The following HTRA2 variants were observed in gnomAD, a reference collection of about 807,000 sequenced individuals.
The protein encoded by HTRA2 is serine protease HTRA2, mitochondrial.
HTRA2 carries 24 observed loss-of-function variants against 42.2 expected under a neutral mutation model. That is an observed-to-expected ratio of 0.57 (90% CI 0.41 to 0.80). The LOEUF is 0.80. HTRA2 is among the 30% of genes least tolerant of loss of function. The probability of loss-of-function intolerance (pLI) is 0.00; values close to 1 mark genes in which losing one functional copy is unlikely to be tolerated. For synonymous variants in HTRA2, 245 were observed against 255.8 expected (o/e 0.96, Z 0.40); for missense variants, 466 against 613.5 (o/e 0.76, Z 2.54).
intron 5 of HTRA2, 28 bp from the exon 6 acceptor site, chr2:74,531,828 G>C: frequency 1.2e-6 from 2 of 1,613,422 alleles, no homozygotes; most frequent in Non-Finnish European, 8.5e-7. Flanking sequence ...ATGTAGCTGG[G>C]TGGGGCTCAT....
At position 74,530,194 on chromosome 2, in the gene HTRA2, T is replaced by C. The variant is rs1395559962; in HGVS notation, c.188T>C (p.Val63Ala). ...CCCAGTCTCTGGGCCCGGTTGTCTG[T>C]TGGGGTCACTGAACCCCGAGCATGC... The part of the protein sequence containing the change: ...GTPSLWARLS[V>A]GVTEPRACLT... The change falls in exon 1 of 8, where the codon GTT becomes GCT. Residue 63 changes from valine to alanine, a missense_variant. Val to Ala is a moderately conservative substitution (Grantham distance 64). This residue lies in a region of HTRA2 where 222 missense variants were observed against 205.1 expected (regional missense o/e 1.08). Transcript: ENST00000258080. This position sits in a 1 kb window ranked among gnomAD's most constrained non-coding sequence, Gnocchi z 7.4. The C allele has an allele frequency of 1.9e-6, 3 of 1,611,248 alleles. No homozygotes were observed. Among genetic ancestry groups the C allele is most frequent in the Non-Finnish European group, 2.5e-6 (3 of 1,179,060 alleles).
At chr2:74,529,694 C>A (rs1267015971), upstream of HTRA2, 9 of 1,538,252 alleles carry the variant, frequency 5.9e-6, no homozygotes, top group South Asian at 1.2e-5. Flanking sequence ...GCCGCAGGGG[C>A]TCTTGGGAAG....
In HTRA2 at chr2:74,530,179, G is replaced by A. The variant is rs1228469216; in HGVS notation, c.173G>A (p.Trp58Ter). ...GTGACTTATGGGACCCCCAGTCTCT[G>A]GGCCCGGTTGTCTGTTGGGGTCACT... Reference protein sequence around the residue: ...ARVTYGTPSLWARLSVGVTEP... With the variant: ...ARVTYGTPSL The change falls in exon 1 of 8, where the codon TGG (tryptophan) becomes TAG (stop). Residue 58 changes from tryptophan to a stop codon, truncating the protein, a stop_gained. Transcript: ENST00000258080. LOFTEE classifies it high-confidence loss of function. The surrounding 1 kb of genome is among the most constrained non-coding windows in gnomAD (Gnocchi z 7.4). 6.2e-7 allele frequency: 1 copy of A among 1,611,844 alleles called. No homozygotes were observed. Among genetic ancestry groups the A allele is most frequent in the Non-Finnish European group, 8.5e-7 (1 of 1,179,302 alleles).
Position 74,530,225 on chromosome 2 carries a change from G to A in HTRA2, c.219G>A (p.Thr73=). The change falls in exon 1 of 8, where the codon ACG becomes ACA. Residue 73 remains threonine (T), a synonymous_variant. Coordinates refer to ENST00000258080, the MANE Select transcript of HTRA2 (RefSeq NM_013247.5). This position sits in a 1 kb window ranked among gnomAD's most constrained non-coding sequence, Gnocchi z 7.4. The stretch of plus-strand genomic sequence containing the variant: ...TCACTGAACCCCGAGCATGCCTGAC[G>A]TCTGGGACCCCGGGTCCCCGGGCAC... ...VGVTEPRACL[T]SGTPGPRAQL... 6.2e-7 allele frequency: 1 copy of A among 1,610,254 alleles called. No individual in the cohort carries two copies.
intron 3 of HTRA2, 22 bp downstream of exon 3, chr2:74,531,127 A>G: frequency 6.2e-7 from 1 of 1,611,724 alleles, no homozygotes. Flanking sequence ...TAGGAGAGAA[A>G]TGACAAATGA....
upstream of HTRA2, chr2:74,529,518 G>T (rs772105289): frequency 2.3e-5 from 35 of 1,549,218 alleles, no homozygotes; most frequent in Non-Finnish European, 3.1e-5. Flanking sequence ...GAGAGGCGAA[G>T]TGGTCAGGCG....
At chr2:74,529,864 T>G, upstream of HTRA2, 1 of 1,413,622 alleles carries the variant, frequency 7.1e-7, no homozygotes, top group Non-Finnish European at 9.3e-7. Flanking sequence ...CAGGGAGGAG[T>G]CGGCCTCCCG....
In HTRA2 at chr2:74,531,111, T is replaced by C. The variant is rs752545532; in HGVS notation, c.906+6T>C. ...AAACTGATGCAGCTATTGATGTGCG[T>C]CCTGATAGGAGAGAAATGACAAATG... On this transcript the variant is annotated splice_donor_region_variant and intron_variant, in intron 3 of 7. Coordinates refer to ENST00000258080, the MANE Select transcript of HTRA2 (RefSeq NM_013247.5). 2 of 1,613,886 alleles carry C rather than the reference T, an allele frequency of 1.2e-6. No homozygotes were observed. Among genetic ancestry groups the C allele is most frequent in the Non-Finnish European group, 1.7e-6 (2 of 1,179,876 alleles).
rs1256066859 is a variant in HTRA2, at chr2:74,530,524, G to A, written c.506+12G>A. ...GAGATCCTGGACCGGTAATGGTGGG[G>A]GTAGACCGGGAGGCACTGAAGCCAC... On this transcript the variant is annotated intron_variant, in intron 1 of 7. Transcript: ENST00000258080. This position sits in a 1 kb window ranked among gnomAD's most constrained non-coding sequence, Gnocchi z 7.4. 6.2e-7 allele frequency: 1 copy of A among 1,613,102 alleles called. No homozygotes were observed. Among genetic ancestry groups the A allele is most frequent in the African/African-American group, 1.3e-5 (1 of 75,058 alleles).
chr2:74,532,921 C>T lies in HTRA2; in HGVS notation c.1313C>T (p.Ala438Val). The T allele has an allele frequency of 6.2e-7, 1 of 1,614,004 alleles. No homozygotes were observed. Among genetic ancestry groups the T allele is most frequent in the Non-Finnish European group, 8.5e-7 (1 of 1,179,968 alleles). ...GCTGTTCGAACCCAATCCCAGTTGG[C>T]AGTGCAGATCCGGCGGGGACGAGAA... ...YEAVRTQSQL[A>V]VQIRRGRETL... Residue 438 changes from alanine (A) to valine (V), a missense_variant, in exon 8 of 8, where the codon GCA becomes GTA. By Grantham distance (64) the Ala-to-Val change is moderately conservative. Coordinates refer to ENST00000258080, the MANE Select transcript of HTRA2 (RefSeq NM_013247.5).
At chr2:74,531,812 G>A (rs1302023733) in intron 5 of HTRA2, 44 bp from the exon 6 acceptor site, 1 of 1,612,818 alleles carries the variant, frequency 6.2e-7, no homozygotes. Flanking sequence ...GGGCAGGGAA[G>A]GAAGGATGTA....
At chr2:74,532,767 C>T (rs1675709492) in intron 7 of HTRA2, 53 bp downstream of exon 7, 1 of 1,613,072 alleles carries the variant, frequency 6.2e-7, no homozygotes, top group African/African-American at 1.3e-5. Flanking sequence ...TGCATGTGTC[C>T]TTGAACTAGG....
chr2:74,531,707 G>A lies in HTRA2; in HGVS notation c.1045+5G>A, dbSNP rs1674379394. On this transcript the variant is annotated splice_donor_5th_base_variant and intron_variant, in intron 5 of 7. Transcript: ENST00000258080. ...TGCATCGTGGGGAAAAGAAGAGTGAGCCTGCCTTATGGGGAAACGGGTTCC... is the reference window on the plus strand; with the variant it reads ...TGCATCGTGGGGAAAAGAAGAGTGAACCTGCCTTATGGGGAAACGGGTTCC... 1 of 1,613,912 alleles carries A rather than the reference G, an allele frequency of 6.2e-7. No individual in the cohort carries two copies. Among genetic ancestry groups the A allele is most frequent in the Non-Finnish European group, 8.5e-7 (1 of 1,180,028 alleles).
At chr2:74,532,766 CCTTGAA>C in intron 7 of HTRA2, 48 bp from the exon 8 acceptor site, 1 of 1,612,738 alleles carries the variant, frequency 6.2e-7, no homozygotes, top group Non-Finnish European at 8.5e-7. Flanking sequence ...GTGCATGTGT[CCTTGAA>C]CTAGGCTTTG....
chr2:74,530,539 A>G lies in HTRA2; in HGVS notation c.506+27A>G. On this transcript the variant is annotated intron_variant, in intron 1 of 7. Transcript: ENST00000258080. This position sits in a 1 kb window ranked among gnomAD's most constrained non-coding sequence, Gnocchi z 7.4. ...TAATGGTGGGGGTAGACCGGGAGGCACTGAAGCCACAGGCTGGAGGGCGGG... is the reference window on the plus strand; with the variant it reads ...TAATGGTGGGGGTAGACCGGGAGGCGCTGAAGCCACAGGCTGGAGGGCGGG... 2 of 1,613,430 alleles carry G rather than the reference A, an allele frequency of 1.2e-6. No individual in the cohort carries two copies. Among genetic ancestry groups the G allele is most frequent in the Non-Finnish European group, 1.7e-6 (2 of 1,179,982 alleles).
Position 74,532,722 on chromosome 2 carries a change from A to C in HTRA2, c.1211+8A>C. 6.2e-7 allele frequency: 1 copy of C among 1,611,982 alleles called. No homozygotes were observed. On this transcript the variant is annotated splice_region_variant and intron_variant, in intron 7 of 7. Transcript: ENST00000258080. ...GGGCTCCCCTGCACACCGGTGAGGG[A>C]GAGGCTGCAGTGTGATATGGGGATG...
In HTRA2 at chr2:74,531,498, C is replaced by T. The variant is rs762920056; in HGVS notation, c.940-99C>T. On this transcript the variant is annotated intron_variant, in intron 4 of 7. Coordinates refer to ENST00000258080, the MANE Select transcript of HTRA2 (RefSeq NM_013247.5). ...TTCTTTGTTGGCTATCTCTCAATAT[C>T]CAACCAGATCTCCCCAACACTTGCT... 131 of 1,610,066 alleles carry T rather than the reference C, an allele frequency of 8.1e-5. No homozygotes were observed. The South Asian group carries it at 1.2e-3, about 14-fold the overall frequency.
chr2:74,530,843 G>T lies in HTRA2; in HGVS notation c.711+22G>T. The T allele has an allele frequency of 6.2e-7, 1 of 1,614,200 alleles. No individual in the cohort carries two copies. The highest frequency in any genetic ancestry group is 8.5e-7 in the Non-Finnish European group (1 of 1,180,056). On this transcript the variant is annotated intron_variant, in intron 2 of 7. Coordinates refer to ENST00000258080, the MANE Select transcript of HTRA2 (RefSeq NM_013247.5). The surrounding 1 kb of genome is among the most constrained non-coding windows in gnomAD (Gnocchi z 7.4). ...TAAGGTGGGGGCTGGGGTAGGCCAG[G>T]TCTGGTTGGAGCTGCTTATTTGCTC...
chr2:74,530,582 A>AG lies in HTRA2; in HGVS notation c.507-34dup. On this transcript the variant is annotated intron_variant, in intron 1 of 7. Coordinates refer to ENST00000258080, the MANE Select transcript of HTRA2 (RefSeq NM_013247.5). The surrounding 1 kb of genome is among the most constrained non-coding windows in gnomAD (Gnocchi z 7.4). ...AGGGCGGGCGGGTAGGAGGGGTCAG[A>AG]GCCTCCTCTTATCTGTGCTTTCCCT... The AG allele has an allele frequency of 6.2e-7, 1 of 1,613,566 alleles. No homozygotes were observed. The highest frequency in any genetic ancestry group is 8.5e-7 in the Non-Finnish European group (1 of 1,179,884).
Sources: gnomAD v4.1 joint callset for allele counts on GRCh38, gnomAD v4.1.1 for gene constraint, gnomAD v4.1.1 regional missense constraint, Gnocchi (gnomAD v3.1) non-coding constraint, MANE v1.5 for transcripts, NCBI Gene and HGNC (gene_info 2026-07-23, HGNC 2026-07-21) for gene names.